Variants in OLFM3 observed in about 807,000 individuals in gnomAD.
OLFM3 encodes noelin-3.
Under a neutral mutation model 48.6 loss-of-function variants are expected in OLFM3, and 20 were observed. The ratio of observed to expected loss-of-function variants is 0.41; its 90% CI spans 0.29 to 0.60. The LOEUF (loss-of-function observed/expected upper bound fraction) is 0.60. Ranked by LOEUF, OLFM3 falls within the 20% of genes least tolerant of loss-of-function variation. OLFM3 has a pLI of 0.28. For missense variants in OLFM3, 437 were observed against 544.3 expected, an observed-to-expected ratio of 0.80 and a Z score of 1.96; for synonymous variants, 222 against 198.1, an observed-to-expected ratio of 1.12 and a Z score of -1.01.
chr1:101,913,225 C>T (rs964089285), intron 1 of OLFM3, among the ~76,000 whole-genome samples: 6 of 152,120 alleles, frequency 3.9e-5, no homozygotes, highest in Admixed American at 3.3e-4. Context: ...TATGTAACTG[C>T]AGCTATTGAT....
chr1:101,842,116 T>C (rs980780056), intron 1 of OLFM3, among the ~76,000 whole-genome samples: 2 of 152,188 alleles, frequency 1.3e-5, no homozygotes, highest in Non-Finnish European at 1.5e-5. Flanking sequence ...CTATTACTTA[T>C]AATAATTCTT....
At chr1:101,940,172 G>C (rs1659743124) in intron 1 of OLFM3, among the ~76,000 whole-genome samples, 1 of 151,928 alleles carries the variant, frequency 6.6e-6, no homozygotes, top group Non-Finnish European at 1.5e-5. Context: ...GTTATAGAGA[G>C]ATGTTTCCAG....
At chr1:101,971,509 A>G (rs1312233847) in intron 1 of OLFM3, among the ~76,000 whole-genome samples, 1 of 152,236 alleles carries the variant, frequency 6.6e-6, no homozygotes, top group Non-Finnish European at 1.5e-5. Flanking sequence ...ACCTGTTGAC[A>G]GATCTTTGAT....
Position 101,853,879 on chromosome 1 carries a change from C to A in OLFM3, c.70-16854G>T, listed in dbSNP as rs188756319. 6.6e-5 allele frequency among the ~76,000 whole-genome samples: 10 copies of A among 152,058 alleles called. No homozygotes were observed. The East Asian group carries it at 1.9e-3, about 29-fold the overall frequency. ...CCTTCCATTTTTCACATGTAGAATGCAAGCACTTTTGGTCTAAGCCAAGAA... is the reference window on the plus strand; with the variant it reads ...CCTTCCATTTTTCACATGTAGAATGAAAGCACTTTTGGTCTAAGCCAAGAA... On this transcript the variant is annotated intron_variant, in intron 1 of 5. Transcript: ENST00000370103.
At chr1:101,984,885 G>A (rs1661193868) in intron 1 of OLFM3, among the ~76,000 whole-genome samples, 1 of 152,178 alleles carries the variant, frequency 6.6e-6, no homozygotes, top group Non-Finnish European at 1.5e-5. Context: ...ATAAGCCAAT[G>A]TATTAGTTTC....
chr1:101,899,394 G>A (rs147839219), intron 1 of OLFM3, among the ~76,000 whole-genome samples: 153 of 152,288 alleles, frequency 1.0e-3, no homozygotes, highest in African/African-American at 3.5e-3. Context: ...AGAGGGAGAG[G>A]AGGGGCAAGA....
intron 1 of OLFM3, among the ~76,000 whole-genome samples, chr1:101,924,537 T>A (rs928192357): frequency 6.6e-6 from 1 of 152,178 alleles, no homozygotes; most frequent in Non-Finnish European, 1.5e-5. Context: ...TTGCATGATA[T>A]AATATTGTAT....
At chr1:101,843,544 A>G (rs1353537072) in intron 1 of OLFM3, among the ~76,000 whole-genome samples, 1 of 152,252 alleles carries the variant, frequency 6.6e-6, no homozygotes, top group African/African-American at 2.4e-5. Flanking sequence ...GAAAGAAAAC[A>G]GGGCCAACAA....
chr1:101,881,452 A>G (rs1657522141), intron 1 of OLFM3, among the ~76,000 whole-genome samples: 1 of 151,836 alleles, frequency 6.6e-6, no homozygotes, highest in African/African-American at 2.4e-5. Context: ...CTAAATGTTC[A>G]GGAAAAGCAT....
chr1:101,978,982 CAAAT>C (rs1242897440), intron 1 of OLFM3, among the ~76,000 whole-genome samples: 1 of 152,126 alleles, frequency 6.6e-6, no homozygotes, highest in African/African-American at 2.4e-5. Context: ...CTAAATATAA[CAAAT>C]AACAAGTTTA....
chr1:101,909,723 T>G (rs1426108652), intron 1 of OLFM3, among the ~76,000 whole-genome samples: 1 of 152,206 alleles, frequency 6.6e-6, no homozygotes, highest in African/African-American at 2.4e-5. Context: ...ATATTACAGT[T>G]AGATAGTTAT....
intron 1 of OLFM3, among the ~76,000 whole-genome samples, chr1:101,992,939 TTA>T (rs1166148433): frequency 6.6e-6 from 1 of 152,152 alleles, no homozygotes; most frequent in African/African-American, 2.4e-5. Flanking sequence ...TTGTTATATT[TTA>T]TGTCTGTAGT....
chr1:101,974,528 A>T (rs1292181777), intron 1 of OLFM3, among the ~76,000 whole-genome samples: 9 of 152,108 alleles, frequency 5.9e-5, no homozygotes, highest in African/African-American at 1.9e-4. Flanking sequence ...CTTCTTTCAT[A>T]ATTTTATGTC....
At chr1:101,955,223 A>G (rs919523937) in intron 1 of OLFM3, among the ~76,000 whole-genome samples, 3 of 151,932 alleles carry the variant, frequency 2.0e-5, no homozygotes, top group Admixed American at 1.3e-4. Context: ...GGTACCCCCT[A>G]GGTTTGCTGA....
intron 1 of OLFM3, among the ~76,000 whole-genome samples, chr1:101,877,505 C>T (rs1657347572): frequency 6.6e-6 from 1 of 151,868 alleles, no homozygotes; most frequent in African/African-American, 2.4e-5. Flanking sequence ...CAAAACAACA[C>T]TATTACATAA....
chr1:101,896,300 T>G (rs1658198504), intron 1 of OLFM3, among the ~76,000 whole-genome samples: 1 of 152,074 alleles, frequency 6.6e-6, no homozygotes. Flanking sequence ...AAGAATGTTG[T>G]GTCGTCCTTG....
chr1:101,865,008 G>T (rs757106021), intron 1 of OLFM3, among the ~76,000 whole-genome samples: 1 of 152,080 alleles, frequency 6.6e-6, no homozygotes, highest in Non-Finnish European at 1.5e-5. Flanking sequence ...CTATTAGGTT[G>T]GTGCAAAGGT....
chr1:101,986,446 T>C (rs1175392264), intron 1 of OLFM3, among the ~76,000 whole-genome samples: 1 of 152,200 alleles, frequency 6.6e-6, no homozygotes, highest in Admixed American at 6.5e-5. Context: ...TCCCTGCTTT[T>C]CTAACTCCTA....
At chr1:101,951,106 C>T (rs192832820) in intron 1 of OLFM3, among the ~76,000 whole-genome samples, 3 of 152,294 alleles carry the variant, frequency 2.0e-5, no homozygotes, top group African/African-American at 7.2e-5. Flanking sequence ...TAGCCAGGAA[C>T]TGTTTGGATT....
Sources: allele counts gnomAD v4.1 joint callset (sites outside exome capture counted in the v4.1 genomes callset), GRCh38; gene constraint gnomAD v4.1.1; transcripts MANE v1.5; gene names NCBI Gene and HGNC (gene_info 2026-07-23, HGNC 2026-07-21).